Variants in ZNF469 observed in about 807,000 individuals in gnomAD.
ZNF469 encodes zinc finger protein 469.
Under a neutral mutation model 1.0 loss-of-function variants are expected in ZNF469, and 1 was observed. That is an observed-to-expected ratio of 1.00 (90% CI 0.35 to 4.73). The LOEUF (loss-of-function observed/expected upper bound fraction) is 4.73. Ranked by LOEUF, ZNF469 falls within the 30% of genes most tolerant of loss-of-function variation. ZNF469 has a pLI of 0.16. For missense variants in ZNF469, 6,100 were observed against 5,356.3 expected (o/e 1.14, Z -4.33); for synonymous variants, 2,703 against 2,363.4 (o/e 1.14, Z -4.17).
chr16:88,102,674 C>T, the ZNF469 span, among the ~76,000 whole-genome samples: 25 of 152,210 alleles, frequency 1.6e-4, no homozygotes, highest in African/African-American at 7.2e-5. Context: ...CAGCCCTCAT[C>T]GTCCTCCCAG....
chr16:88,344,936 G>C, the ZNF469 span, among the ~76,000 whole-genome samples: 1 of 152,216 alleles, frequency 6.6e-6, no homozygotes, highest in Non-Finnish European at 1.5e-5. Flanking sequence ...CAGGTGTCAA[G>C]CGTGTGGCCC....
In ZNF469 at chr16:88,438,995, A is replaced by G; in HGVS notation, c.11525A>G (p.Asp3842Gly). Residue 3842 changes from aspartate to glycine, a missense_variant, in exon 3 of 3, where the codon GAC (aspartate) becomes GGC (glycine). Asp to Gly is a moderately conservative substitution (Grantham distance 94). Coordinates refer to ENST00000565624, the MANE Select transcript of ZNF469 (RefSeq NM_001367624.2). ...TTCGGGAGAGCCCCCTCAGCCCCTG[A>G]CAAGCCCCCCCGGACCCCTCGGAAG... is the stretch of plus-strand genomic sequence containing the variant. ...GSFGRAPSAP[D>G]KPPRTPRKQA... The G allele has an allele frequency of 1.9e-6, 3 of 1,550,200 alleles. No individual in the cohort carries two copies. Among genetic ancestry groups the G allele is most frequent in the Non-Finnish European group, 2.6e-6 (3 of 1,146,920 alleles).
the ZNF469 span, among the ~76,000 whole-genome samples, chr16:88,159,274 T>A: frequency 6.6e-6 from 1 of 152,102 alleles, no homozygotes; most frequent in African/African-American, 2.4e-5. Flanking sequence ...CTTGGTTTCC[T>A]CAAGATTGTC....
chr16:88,330,107 C>T, the ZNF469 span, among the ~76,000 whole-genome samples: 6 of 152,264 alleles, frequency 3.9e-5, no homozygotes, highest in African/African-American at 1.4e-4. Context: ...ACTTGGCCTT[C>T]TGACTTTCGG....
the ZNF469 span, among the ~76,000 whole-genome samples, chr16:88,260,738 T>G: frequency 1.3e-5 from 2 of 152,194 alleles, no homozygotes; most frequent in Non-Finnish European, 2.9e-5. This position sits in a 1 kb window ranked among gnomAD's most constrained non-coding sequence, Gnocchi z 4.1. Flanking sequence ...TCCTAATCCC[T>G]GGGACCTGTG....
chr16:88,106,227 G>A, the ZNF469 span, among the ~76,000 whole-genome samples: 10 of 152,200 alleles, frequency 6.6e-5, no homozygotes, highest in Non-Finnish European at 8.8e-5. Context: ...TGGAGTCAGC[G>A]CACTGCAGAA....
the ZNF469 span, among the ~76,000 whole-genome samples, chr16:88,168,422 G>T: frequency 3.3e-5 from 5 of 152,182 alleles, no homozygotes; most frequent in Non-Finnish European, 5.9e-5. This position sits in a 1 kb window ranked among gnomAD's most constrained non-coding sequence, Gnocchi z 4.3. Flanking sequence ...TCACCTGCCC[G>T]CTGTGGGCCT....
chr16:88,126,436 GT>G, the ZNF469 span, among the ~76,000 whole-genome samples: 1 of 150,976 alleles, frequency 6.6e-6, no homozygotes, highest in Admixed American at 6.7e-5. Context: ...TTACAGAGAT[GT>G]TCTTTATCAG....
chr16:88,192,855 G>A, the ZNF469 span, among the ~76,000 whole-genome samples: 430 of 151,024 alleles, frequency 2.8e-3, 3 homozygotes, highest in African/African-American at 0.01. Context: ...TGATAATGAT[G>A]GTGATGACGG....
In ZNF469 at chr16:88,437,303, C is replaced by A. The variant is rs571738263; in HGVS notation, c.9833C>A (p.Thr3278Asn). Reference protein sequence around the residue: ...GERAKPRARSTPSNPDGAATP... With the variant: ...GERAKPRARSNPSNPDGAATP... ...AGGGCGAAACCCCGGGCACGCAGCA[C>A]CCCCAGCAACCCAGACGGGGCCGCG... The change falls in exon 3 of 3, where the codon ACC (threonine) becomes AAC (asparagine). Residue 3278 changes from threonine to asparagine, a missense_variant. Physicochemically the swap from Thr to Asn is moderately conservative, Grantham distance 65. Transcript: ENST00000565624. 1.1e-5 allele frequency: 17 copies of A among 1,547,446 alleles called. No homozygotes were observed. In the Middle Eastern group the frequency reaches 5.1e-4, roughly 47 times the overall value.
At chr16:88,119,815 C>G in the ZNF469 span, among the ~76,000 whole-genome samples, 1 of 152,096 alleles carries the variant, frequency 6.6e-6, no homozygotes, top group East Asian at 1.9e-4. Flanking sequence ...TAACTGGGAG[C>G]GTGTCGTAGG....
the ZNF469 span, among the ~76,000 whole-genome samples, chr16:88,370,732 A>C: frequency 6.6e-6 from 1 of 152,206 alleles, no homozygotes; most frequent in Non-Finnish European, 1.5e-5. Context: ...GGAGACCAGA[A>C]GTCTGAGGCC....
the ZNF469 span, among the ~76,000 whole-genome samples, chr16:88,140,370 CG>C: frequency 2.0e-5 from 3 of 148,224 alleles, no homozygotes; most frequent in Non-Finnish European, 3.0e-5. Context: ...ACGTAGAAAT[CG>C]GGGGGTAGCA....
chr16:88,382,505 A>T (rs955330007), upstream of ZNF469, among the ~76,000 whole-genome samples: 1 of 152,162 alleles, frequency 6.6e-6, no homozygotes, highest in African/African-American at 2.4e-5. Context: ...AAAGCGTGCC[A>T]TGGGGACCTC....
rs902379157 is a variant in ZNF469 at position 88,431,961 on chromosome 16, G to A, written c.4491G>A (p.Pro1497=). The change falls in exon 3 of 3, where the codon CCG becomes CCA. Residue 1497 remains proline, a synonymous_variant. Coordinates refer to ENST00000565624, the MANE Select transcript of ZNF469 (RefSeq NM_001367624.2). Reference sequence around the variant, plus strand: ...AGAAGACGGTGCCGTCAGATCCACCGTACCCCTCTTTTTTGCTGCTTGAGG... The same window carrying A: ...AGAAGACGGTGCCGTCAGATCCACCATACCCCTCTTTTTTGCTGCTTGAGG... ...PPQKTVPSDP[P]YPSFLLLEEV... is the part of the protein sequence containing the mutation. 37 of 1,549,210 alleles carry A rather than the reference G, an allele frequency of 2.4e-5. No homozygotes were observed. In the Admixed American group the frequency reaches 2.9e-4, roughly 12 times the overall value.
the ZNF469 span, among the ~76,000 whole-genome samples, chr16:88,264,499 T>C: frequency 3.4e-5 from 5 of 145,878 alleles, no homozygotes; most frequent in Admixed American, 7.0e-5. Context: ...CACCTGTGCA[T>C]GTTCACAGAG....
chr16:88,173,586 G>A, the ZNF469 span, among the ~76,000 whole-genome samples: 6 of 150,662 alleles, frequency 4.0e-5, no homozygotes, highest in Non-Finnish European at 5.9e-5. Flanking sequence ...AGAGATAAAT[G>A]CAAAAGATAG....
the ZNF469 span, among the ~76,000 whole-genome samples, chr16:88,180,196 A>T: frequency 6.6e-6 from 1 of 152,252 alleles, no homozygotes; most frequent in Non-Finnish European, 1.5e-5. Context: ...GACGAGACAA[A>T]TACAAAATAA....
At chr16:88,127,317 C>T in the ZNF469 span, among the ~76,000 whole-genome samples, 1 of 152,184 alleles carries the variant, frequency 6.6e-6, no homozygotes, top group African/African-American at 2.4e-5. Flanking sequence ...ACGTCATTCT[C>T]TTCCTTAAAT....
Sources: gnomAD v4.1 joint callset for allele counts (sites outside exome capture counted in the v4.1 genomes callset) on GRCh38, gnomAD v4.1.1 for gene constraint, Gnocchi (gnomAD v3.1) non-coding constraint, MANE v1.5 for transcripts, NCBI Gene and HGNC (gene_info 2026-07-23, HGNC 2026-07-21) for gene names.